The following MMP21 variants were observed in gnomAD, a reference collection of about 807,000 sequenced individuals.
The protein encoded by MMP21 is matrix metalloproteinase-21.
A neutral mutation model predicts 47.8 loss-of-function variants in MMP21; 40 were observed. That is an observed-to-expected ratio of 0.84 (90% confidence interval 0.65 to 1.09). The LOEUF is 1.09. Ranked by LOEUF, MMP21 falls within the 50% of genes least tolerant of loss-of-function variation. The pLI is 0.00. For synonymous variants in MMP21, 341 were observed against 318.0 expected (o/e 1.07, Z -0.77); for missense variants, 747 against 775.3 (o/e 0.96, Z 0.43).
chr10:125,770,304 G>C, intron 5 of MMP21, 30 bp downstream of exon 5: 1 of 1,610,982 alleles, frequency 6.2e-7, no homozygotes, highest in South Asian at 1.1e-5. Context: ...TTTAATGAGA[G>C]AAATAGAACC....
intron 4 of MMP21, among the ~76,000 whole-genome samples, chr10:125,771,079 G>A (rs1277259610): frequency 6.6e-6 from 1 of 152,054 alleles, no homozygotes; most frequent in Non-Finnish European, 1.5e-5. Context: ...AGCTGGAGGT[G>A]CCAGGCTGCC....
chr10:125,773,703 G>A lies in MMP21; in HGVS notation c.697+128C>T. On this transcript the variant is annotated intron_variant, in intron 2 of 6. Transcript: ENST00000368808. The surrounding 1 kb of genome is among the most constrained non-coding windows in gnomAD (Gnocchi z 4.8). ...ACCGGTGGCTTCTGCCTGCCCCGCTGACAGGTGCCCCCGGGACAGGCCGGG... is the reference window on the plus strand; with the variant it reads ...ACCGGTGGCTTCTGCCTGCCCCGCTAACAGGTGCCCCCGGGACAGGCCGGG... 8.0e-7 allele frequency: 1 copy of A among 1,246,288 alleles called. No individual in the cohort carries two copies. 77.2% of individuals were successfully genotyped at this position (1,246,288 alleles called of 1,614,324 possible).
rs1850486144 is a variant in MMP21 at position 125,774,082 on chromosome 10, GGCGCCCGCGGGGAGC to G, written c.431_445del (p.Arg144_Ala148del). 9.4e-6 allele frequency: 13 copies of G among 1,384,540 alleles called. No homozygotes were observed. In the East Asian group the frequency reaches 1.5e-4, roughly 16 times the overall value. The allele number at this position is 1,384,540 out of a possible 1,614,324, so 85.8% of individuals were successfully genotyped here. A position where few individuals can be genotyped will look rare whatever the true frequency, so the allele number is the denominator to read the frequency against. On this transcript the variant is annotated inframe_deletion, in exon 2 of 7. Coordinates refer to ENST00000368808, the MANE Select transcript of MMP21 (RefSeq NM_147191.1). ...CCAACCCCGCCGGGACAAGGACAGCGGCGCCCGCGGGGAGCGCCTGGAGCGGGCTCTGGGGGGCGG... is the reference window on the plus strand; with the variant it reads ...CCAACCCCGCCGGGACAAGGACAGCGGCCTGGAGCGGGCTCTGGGGGGCGG...
intron 4 of MMP21, among the ~76,000 whole-genome samples, chr10:125,770,920 CT>C (rs1436653735): frequency 1.3e-5 from 2 of 151,686 alleles, no homozygotes; most frequent in African/African-American, 4.8e-5. Flanking sequence ...GCACAGGTTA[CT>C]TGGGAAGCTG....
At position 125,770,734 on chromosome 10, in the gene MMP21, A is replaced by G; in HGVS notation, c.980-143T>C. ...AAAGCAAGACACCATGTAAGGCTGA[A>G]GTGGGGCCAGGTGCAGTGGCGCATG... is the stretch of plus-strand genomic sequence containing the variant. On this transcript the variant is annotated intron_variant, in intron 4 of 6. Coordinates refer to ENST00000368808, the MANE Select transcript of MMP21 (RefSeq NM_147191.1). The G allele has an allele frequency of 4.5e-6, 4 of 898,634 alleles. No individual in the cohort carries two copies. The South Asian group carries it at 7.1e-5, about 16-fold the overall frequency. 55.7% of individuals were successfully genotyped at this position (898,634 alleles called of 1,614,324 possible).
rs1192826564 is a variant in MMP21 at position 125,772,327 on chromosome 10, G to A, written c.870C>T (p.Gly290=). 1.2e-6 allele frequency: 2 copies of A among 1,614,086 alleles called. No homozygotes were observed. Among genetic ancestry groups the A allele is most frequent in the Non-Finnish European group, 1.7e-6 (2 of 1,180,042 alleles). The change falls in exon 4 of 7, where the codon GGC becomes GGT. Residue 290 remains glycine, a synonymous_variant. Coordinates refer to ENST00000368808, the MANE Select transcript of MMP21 (RefSeq NM_147191.1). This position sits in a 1 kb window ranked among gnomAD's most constrained non-coding sequence, Gnocchi z 5.6. The stretch of plus-strand genomic sequence containing the variant: ...ATCCCGTCCTGTAGGTGTGAGGCAA[G>A]CCCAGGACATGGCCAATTTCATGGA... ...VAVHEIGHVL[G]LPHTYRTGSI... is the part of the protein sequence containing the mutation.
chr10:125,772,656 CTCGTCG>C lies in MMP21; in HGVS notation c.786_791del (p.Asp262_Asp263del). 6.2e-7 allele frequency: 1 copy of C among 1,614,236 alleles called. No homozygotes were observed. Among genetic ancestry groups the C allele is most frequent in the Non-Finnish European group, 8.5e-7 (1 of 1,180,044 alleles). On this transcript the variant is annotated inframe_deletion, in exon 3 of 7. Transcript: ENST00000368808. This position sits in a 1 kb window ranked among gnomAD's most constrained non-coding sequence, Gnocchi z 5.6. The stretch of plus-strand genomic sequence containing the variant: ...TGTCACTGGTGGGAGGTGTGAAGTG[CTCGTCG>C]TCGTCAAAGTGAATGTCACCTAGGC...
rs772866039 is a variant in MMP21 at position 125,766,524 on chromosome 10, G to A, written c.*138C>T. On this transcript the variant is annotated 3_prime_UTR_variant, in exon 7 of 7. Coordinates refer to ENST00000368808, the MANE Select transcript of MMP21 (RefSeq NM_147191.1). ...TGTTTTTAAATCAAGTATTTTAAAA[G>A]TTCAACTAAGGCTTTTCCCATTGGG... 5 of 616,448 alleles carry A rather than the reference G, an allele frequency of 8.1e-6. No homozygotes were observed. Among genetic ancestry groups the A allele is most frequent in the Non-Finnish European group, 1.3e-5 (5 of 377,290 alleles). The allele number at this position is 616,448 out of a possible 1,614,324, so 38.2% of individuals were successfully genotyped here. A position where few individuals can be genotyped will look rare whatever the true frequency, so the allele number is the denominator to read the frequency against.
In MMP21 at chr10:125,770,458, G is replaced by A; in HGVS notation, c.1113C>T (p.Asn371=). 1 of 1,614,150 alleles carries A rather than the reference G, an allele frequency of 6.2e-7. No homozygotes were observed. The highest frequency in any genetic ancestry group is 8.5e-7 in the Non-Finnish European group (1 of 1,180,016). ...NSWYWLYENR[N]NRTRYGDPIQ... Reference sequence around the variant, plus strand: ...TAGGGTCCCCATAGCGTGTCCTATTGTTTCGATTTTCATAAAGCCAGTACC... The same window carrying A: ...TAGGGTCCCCATAGCGTGTCCTATTATTTCGATTTTCATAAAGCCAGTACC... The change falls in exon 5 of 7, where the codon AAC becomes AAT. Residue 371 remains asparagine (N), a synonymous_variant. Coordinates refer to ENST00000368808, the MANE Select transcript of MMP21 (RefSeq NM_147191.1).
chr10:125,770,584 A>G lies in MMP21; in HGVS notation c.987T>C (p.Cys329=). The part of the protein sequence containing the change: ...RKAIQKLYGS[C]EGSFDTAFDW... ...CAAACGCAGTATCAAATGATCCCTC[A>G]CAGGAGCCTTAAAAAAACAAACAAA... The change falls in exon 5 of 7, where the codon TGT becomes TGC. Residue 329 remains cysteine, a synonymous_variant. Coordinates refer to ENST00000368808, the MANE Select transcript of MMP21 (RefSeq NM_147191.1). 6.2e-7 allele frequency: 1 copy of G among 1,612,402 alleles called. No homozygotes were observed. Among genetic ancestry groups the G allele is most frequent in the East Asian group, 2.2e-5 (1 of 44,868 alleles).
In MMP21 at chr10:125,773,797, G is replaced by A; in HGVS notation, c.697+34C>T. The A allele has an allele frequency of 2.0e-6, 3 of 1,468,866 alleles. No homozygotes were observed. The highest frequency in any genetic ancestry group is 2.3e-5 in the Admixed American group (1 of 43,756). 91.0% of individuals were successfully genotyped at this position (1,468,866 alleles called of 1,614,324 possible). ...GTGCGCCGGGGTCCCCGAGGGGCTG[G>A]GTCGGGCAGGCAGGGAGCCCGGGGT... On this transcript the variant is annotated intron_variant, in intron 2 of 6. Coordinates refer to ENST00000368808, the MANE Select transcript of MMP21 (RefSeq NM_147191.1). The surrounding 1 kb of genome is among the most constrained non-coding windows in gnomAD (Gnocchi z 4.8).
At position 125,767,029 on chromosome 10, in the gene MMP21, A is replaced by G. The variant is rs933905773; in HGVS notation, c.1411-68T>C. On this transcript the variant is annotated intron_variant, in intron 6 of 6. Coordinates refer to ENST00000368808, the MANE Select transcript of MMP21 (RefSeq NM_147191.1). ...AATATTTTTTGGTTAATTTATAACA[A>G]TGAGATAAGTAACTCAAGACTTTGT... 2.0e-5 allele frequency: 25 copies of G among 1,279,902 alleles called. No homozygotes were observed. The African/African-American group carries it at 2.9e-4, about 15-fold the overall frequency. The allele number at this position is 1,279,902 out of a possible 1,614,324, so 79.3% of individuals were successfully genotyped here.
intron 1 of MMP21, 31 bp downstream of exon 1, chr10:125,775,629 G>T (rs771406025): frequency 6.3e-7 from 1 of 1,579,682 alleles, no homozygotes; most frequent in Non-Finnish European, 8.6e-7. Flanking sequence ...ACGGGCCTGG[G>T]GGTATTGCTG....
chr10:125,767,526 A>G lies in MMP21; in HGVS notation c.1410+6T>C, dbSNP rs1296603554. 3.1e-6 allele frequency: 5 copies of G among 1,613,132 alleles called. No homozygotes were observed. Among genetic ancestry groups the G allele is most frequent in the Non-Finnish European group, 4.2e-6 (5 of 1,179,238 alleles). On this transcript the variant is annotated splice_donor_region_variant and intron_variant, in intron 6 of 6. Transcript: ENST00000368808. Reference sequence around the variant, plus strand: ...GCATTGCTAGGCTGAAGAGCCTTCTACTTACAAGGGACTCCTTGAAGAAGT... The same window carrying G: ...GCATTGCTAGGCTGAAGAGCCTTCTGCTTACAAGGGACTCCTTGAAGAAGT...
At position 125,770,273 on chromosome 10, in the gene MMP21, C is replaced by G. The variant is rs1850431059; in HGVS notation, c.1237+61G>C. 3.2e-6 allele frequency: 5 copies of G among 1,556,028 alleles called. No homozygotes were observed. The Admixed American group carries it at 8.5e-5, about 27-fold the overall frequency. ...CAGATTCCTTGGTAGGGGCTCAAGA[C>G]ATTCCTTCTGAGTGCATTCGTTTAA... On this transcript the variant is annotated intron_variant, in intron 5 of 6. Transcript: ENST00000368808.
In MMP21 at chr10:125,774,176, C is replaced by G; in HGVS notation, c.352G>C (p.Gly118Arg). The G allele has an allele frequency of 2.4e-6, 3 of 1,274,314 alleles. No individual in the cohort carries two copies. Among genetic ancestry groups the G allele is most frequent in the Non-Finnish European group, 3.0e-6 (3 of 1,014,212 alleles). 78.9% of individuals were successfully genotyped at this position (1,274,314 alleles called of 1,614,324 possible). A position where few individuals can be genotyped will look rare whatever the true frequency, so the allele number is the denominator to read the frequency against. ...GGCGGTGGGCGCATGTCCGGGACCC[C>G]GCAGCGCGGCCGGTTCATGGCCGCT... ...TLAAMNRPRC[G>R]VPDMRPPPPS... The change falls in exon 2 of 7, where the codon GGG becomes CGG. Residue 118 changes from glycine (G) to arginine (R), a missense_variant. Gly to Arg is a moderately radical substitution (Grantham distance 125). Coordinates refer to ENST00000368808, the MANE Select transcript of MMP21 (RefSeq NM_147191.1).
In MMP21 at chr10:125,772,315, G is replaced by A; in HGVS notation, c.882C>T (p.Thr294=). The change falls in exon 4 of 7, where the codon ACC becomes ACT. Residue 294 remains threonine, a synonymous_variant. Coordinates refer to ENST00000368808, the MANE Select transcript of MMP21 (RefSeq NM_147191.1). The surrounding 1 kb of genome is among the most constrained non-coding windows in gnomAD (Gnocchi z 5.6). ...EIGHVLGLPH[T]YRTGSIMQPN... Reference sequence around the variant, plus strand: ...GTTGCATTATGGATCCCGTCCTGTAGGTGTGAGGCAAGCCCAGGACATGGC... The same window carrying A: ...GTTGCATTATGGATCCCGTCCTGTAAGTGTGAGGCAAGCCCAGGACATGGC... The A allele has an allele frequency of 1.2e-6, 2 of 1,614,220 alleles. No homozygotes were observed. Among genetic ancestry groups the A allele is most frequent in the East Asian group, 2.2e-5 (1 of 44,880 alleles).
chr10:125,766,546 T>C lies in MMP21; in HGVS notation c.*116A>G, dbSNP rs1004407036. On this transcript the variant is annotated 3_prime_UTR_variant, in exon 7 of 7. Transcript: ENST00000368808. ...AAAGTTCAACTAAGGCTTTTCCCAT[T>C]GGGTTTTAACTTACAGTGCCATATT... 6.6e-6 allele frequency: 5 copies of C among 757,172 alleles called. No homozygotes were observed. Among genetic ancestry groups the C allele is most frequent in the African/African-American group, 3.5e-5 (2 of 56,588 alleles). The allele number at this position is 757,172 out of a possible 1,614,324, so 46.9% of individuals were successfully genotyped here. A position where few individuals can be genotyped will look rare whatever the true frequency, so the allele number is the denominator to read the frequency against.
Position 125,774,263 on chromosome 10 carries a change from C to A in MMP21, c.265G>T (p.Val89Leu). 1 of 1,415,534 alleles carries A rather than the reference C, an allele frequency of 7.1e-7. No homozygotes were observed. The highest frequency in any genetic ancestry group is 9.2e-7 in the Non-Finnish European group (1 of 1,091,182). The allele number at this position is 1,415,534 out of a possible 1,614,324, so 87.7% of individuals were successfully genotyped here. ...TPKGAALAEA[V>L]RRFQRANALP... The stretch of plus-strand genomic sequence containing the variant: ...GCGTTCGCCCGCTGGAACCTGCGCA[C>A]CGCCTCGGCCAGGGCGGCGCCCTTG... Residue 89 changes from valine to leucine, a missense_variant, in exon 2 of 7, where the codon GTG becomes TTG. Coordinates refer to ENST00000368808, the MANE Select transcript of MMP21 (RefSeq NM_147191.1).
Sources: allele counts gnomAD v4.1 joint callset (sites outside exome capture counted in the v4.1 genomes callset), GRCh38; gene constraint gnomAD v4.1.1; non-coding constraint Gnocchi (gnomAD v3.1); transcripts MANE v1.5; gene names NCBI Gene and HGNC (gene_info 2026-07-23, HGNC 2026-07-21).